ENTHD1: variants seen among roughly 807,000 people sequenced by gnomAD.
The protein encoded by ENTHD1 is ENTH domain-containing protein 1.
In ENTHD1, 23 loss-of-function variants were observed where a neutral mutation model predicts 39.1. The ratio of observed to expected loss-of-function variants is 0.59; its 90% CI spans 0.42 to 0.83. The LOEUF (loss-of-function observed/expected upper bound fraction) is 0.83, where lower values mean the gene tolerates loss of function less well. Ranked by LOEUF, ENTHD1 falls within the 40% of genes least tolerant of loss-of-function variation. The probability of loss-of-function intolerance (pLI) is 0.00; values close to 1 mark genes in which losing one functional copy is unlikely to be tolerated. For synonymous variants in ENTHD1, 230 were observed against 258.2 expected, an observed-to-expected ratio of 0.89 and a Z score of 1.05; for missense variants, 624 against 705.4, an observed-to-expected ratio of 0.88 and a Z score of 1.31.
intron 5 of ENTHD1, among the ~76,000 whole-genome samples, chr22:39,811,998 A>C (rs985386727): frequency 2.8e-5 from 1 of 35,246 alleles, no homozygotes; most frequent in Non-Finnish European, 6.0e-5. Flanking sequence ...AAAAACAAAA[A>C]CAAACAAACA....
intron 3 of ENTHD1, among the ~76,000 whole-genome samples, chr22:39,848,339 C>T (rs1398074661): frequency 2.0e-5 from 3 of 151,838 alleles, no homozygotes; most frequent in African/African-American, 7.3e-5. Context: ...CTGCAACCTC[C>T]GCCTCCTGGG....
At chr22:39,788,069 A>T (rs1042481104) in intron 5 of ENTHD1, among the ~76,000 whole-genome samples, 1 of 152,204 alleles carries the variant, frequency 6.6e-6, no homozygotes, top group African/African-American at 2.4e-5. Flanking sequence ...TGTTGTTTTC[A>T]TGCCTGCTAA....
intron 3 of ENTHD1, among the ~76,000 whole-genome samples, chr22:39,856,179 C>T (rs528445121): frequency 1.3e-5 from 2 of 148,492 alleles, no homozygotes; most frequent in South Asian, 4.2e-4. Flanking sequence ...GAGGCTGAGG[C>T]AGGAGAACCA....
chr22:39,832,736 A>T (rs2065878713), intron 4 of ENTHD1, among the ~76,000 whole-genome samples: 1 of 152,204 alleles, frequency 6.6e-6, no homozygotes, highest in South Asian at 2.1e-4. Flanking sequence ...CATCAAAATG[A>T]GAAGAAAACT....
intron 3 of ENTHD1, among the ~76,000 whole-genome samples, chr22:39,843,391 A>G (rs868546559): frequency 1.0e-3 from 153 of 146,816 alleles, no homozygotes; most frequent in African/African-American, 3.8e-3. Flanking sequence ...ATTCTCACTC[A>G]TAGGTGGGAA....
rs988884169 is a variant in ENTHD1 at position 39,801,033 on chromosome 22, A to G, written c.832+19960T>C. On this transcript the variant is annotated intron_variant, in intron 5 of 6. Transcript: ENST00000325157. ...ATTCTAACAGCCCGGGCAGGGGATG[A>G]TAAGGGTCCAAAGTAGGGAGAGAGA... Among the ~76,000 whole-genome samples, 8 of 152,238 alleles carry G rather than the reference A, an allele frequency of 5.3e-5. No homozygotes were observed. The East Asian group carries it at 1.5e-3, about 29-fold the overall frequency.
intron 5 of ENTHD1, among the ~76,000 whole-genome samples, chr22:39,768,756 G>A (rs1479553859): frequency 6.6e-6 from 1 of 151,936 alleles, no homozygotes; most frequent in Non-Finnish European, 1.5e-5. Context: ...AACTTTATAT[G>A]TTGATTTTCT....
chr22:39,873,294 T>G (rs1014060090), intron 2 of ENTHD1, among the ~76,000 whole-genome samples: 1 of 152,186 alleles, frequency 6.6e-6, no homozygotes, highest in African/African-American at 2.4e-5. Context: ...AAATCTATAA[T>G]CCATACAATT....
At chr22:39,889,298 T>C (rs1279139091) in intron 1 of ENTHD1, among the ~76,000 whole-genome samples, 2 of 152,228 alleles carry the variant, frequency 1.3e-5, no homozygotes, top group African/African-American at 2.4e-5. Context: ...GAGGCCCATA[T>C]ACTAAAACTT....
intron 3 of ENTHD1, among the ~76,000 whole-genome samples, chr22:39,859,761 G>T (rs2066124680): frequency 1.3e-5 from 2 of 152,112 alleles, no homozygotes; most frequent in Admixed American, 1.3e-4. Flanking sequence ...TAAAAATATT[G>T]CAAGAACTAC....
chr22:39,788,869 G>A (rs2065481202), intron 5 of ENTHD1, among the ~76,000 whole-genome samples: 1 of 152,144 alleles, frequency 6.6e-6, no homozygotes, highest in African/African-American at 2.4e-5. Flanking sequence ...GGGCTCAGAT[G>A]ATTGTTAGCC....
At chr22:39,815,533 T>G (rs1041759754) in intron 5 of ENTHD1, among the ~76,000 whole-genome samples, 1 of 152,000 alleles carries the variant, frequency 6.6e-6, no homozygotes, top group African/African-American at 2.4e-5. Flanking sequence ...GGTGAGGACA[T>G]GCAGCAACTG....
At chr22:39,824,982 A>G (rs2065815470) in intron 4 of ENTHD1, among the ~76,000 whole-genome samples, 1 of 152,214 alleles carries the variant, frequency 6.6e-6, no homozygotes, top group African/African-American at 2.4e-5. Context: ...TAGGAATTAC[A>G]TTAAACCTAT....
intron 5 of ENTHD1, among the ~76,000 whole-genome samples, chr22:39,785,326 C>T (rs969251430): frequency 6.6e-6 from 1 of 152,086 alleles, no homozygotes; most frequent in Non-Finnish European, 1.5e-5. Flanking sequence ...CCGATATATC[C>T]GGTGCCATCT....
At chr22:39,814,765 T>A (rs2065720764) in intron 5 of ENTHD1, among the ~76,000 whole-genome samples, 1 of 152,200 alleles carries the variant, frequency 6.6e-6, no homozygotes, top group Non-Finnish European at 1.5e-5. Context: ...TCCAGCTGCA[T>A]TAAATATTTA....
intron 2 of ENTHD1, chr22:39,876,097 T>A: frequency 6.2e-7 from 1 of 1,607,672 alleles, no homozygotes; most frequent in South Asian, 1.1e-5. Flanking sequence ...CCAGTGACGA[T>A]ATGGTGATTG....
chr22:39,823,805 C>T (rs2065802090), intron 4 of ENTHD1, among the ~76,000 whole-genome samples: 1 of 152,166 alleles, frequency 6.6e-6, no homozygotes, highest in Non-Finnish European at 1.5e-5. Context: ...TTTAATTTCT[C>T]CATATTCTCA....
intron 5 of ENTHD1, among the ~76,000 whole-genome samples, chr22:39,807,737 G>A (rs2065654450): frequency 6.6e-6 from 1 of 152,152 alleles, no homozygotes. Context: ...ACCAATTAGT[G>A]GGTAGTGAAA....
At chr22:39,760,467 C>T (rs2065224115) in intron 6 of ENTHD1, among the ~76,000 whole-genome samples, 1 of 151,974 alleles carries the variant, frequency 6.6e-6, no homozygotes, top group African/African-American at 2.4e-5. Context: ...GCTGCTTGCA[C>T]AGTACATATT....
Sources: gnomAD v4.1 joint callset for allele counts (sites outside exome capture counted in the v4.1 genomes callset) on GRCh38, gnomAD v4.1.1 for gene constraint, MANE v1.5 for transcripts, NCBI Gene and HGNC (gene_info 2026-07-23, HGNC 2026-07-21) for gene names.